The following EVC variants were observed in gnomAD, a reference collection of about 807,000 sequenced individuals.
EVC encodes evC complex member EVC.
A neutral mutation model predicts 118.9 loss-of-function variants in EVC; 116 were observed. That is an observed-to-expected ratio of 0.98 (90% CI 0.84 to 1.14). The LOEUF (loss-of-function observed/expected upper bound fraction) is 1.14. Among genes scored for constraint, EVC ranks in the 50% most tolerant of loss-of-function variants. The pLI, the probability that EVC is intolerant of heterozygous loss-of-function variation, is 0.00. For missense variants in EVC, 1,401 were observed against 1,246.4 expected (o/e 1.12, Z -1.87); for synonymous variants, 619 against 534.7 (o/e 1.16, Z -2.18).
intron 11 of EVC, among the ~76,000 whole-genome samples, chr4:5,783,152 T>C (rs978277594): frequency 6.6e-6 from 1 of 152,114 alleles, no homozygotes; most frequent in African/African-American, 2.4e-5. Flanking sequence ...GTGTGATTCA[T>C]GTGTGTATGT....
At chr4:5,716,258 A>G (rs1723944582) in intron 1 of EVC, among the ~76,000 whole-genome samples, 1 of 152,262 alleles carries the variant, frequency 6.6e-6, no homozygotes, top group South Asian at 2.1e-4. Context: ...TCAGGAAAGC[A>G]GAAGTTACAG....
Position 5,813,291 on chromosome 4 carries a change from T to C in EVC, c.*2254T>C. 6.6e-6 allele frequency: 1 copy of C among 152,116 alleles called. No individual in the cohort carries two copies. 9.4% of individuals were successfully genotyped at this position (152,116 alleles called of 1,614,324 possible). On this transcript the variant is annotated 3_prime_UTR_variant, in exon 21 of 21. Transcript: ENST00000264956. ...ATCTCGGCTCATGGCAATCTCCATC[T>C]CCCGGGTTCAAGCGATTTTCCTGCC...
intron 11 of EVC, among the ~76,000 whole-genome samples, chr4:5,779,438 G>A (rs1187484746): frequency 4.7e-4 from 70 of 149,740 alleles, no homozygotes; most frequent in Non-Finnish European, 1.5e-5. Flanking sequence ...GGGCAGTATG[G>A]CCATTTTCAC....
chr4:5,734,150 G>A (rs1257985871), intron 5 of EVC, among the ~76,000 whole-genome samples: 1 of 152,100 alleles, frequency 6.6e-6, no homozygotes, highest in Non-Finnish European at 1.5e-5. Flanking sequence ...AACCCCGGTG[G>A]GTTTATTCAG....
At position 5,742,172 on chromosome 4, in the gene EVC, T is replaced by G. The variant is rs185895780; in HGVS notation, c.801+358T>G. On this transcript the variant is annotated intron_variant, in intron 6 of 20. Transcript: ENST00000264956. The surrounding 1 kb of genome is among the most constrained non-coding windows in gnomAD (Gnocchi z 5.2). ...TCTATTCTCAGTCTTTTATGGAAAGTTTATTTTGTCTCAGGCGCAGCAAAG... is the reference window on the plus strand; with the variant it reads ...TCTATTCTCAGTCTTTTATGGAAAGGTTATTTTGTCTCAGGCGCAGCAAAG... Among the ~76,000 whole-genome samples, 1 of 152,168 alleles carries G rather than the reference T, an allele frequency of 6.6e-6. No homozygotes were observed. The highest frequency in any genetic ancestry group is 1.9e-4 in the East Asian group (1 of 5,188).
At chr4:5,807,412 C>T (rs376021016) in intron 17 of EVC, among the ~76,000 whole-genome samples, 2 of 152,174 alleles carry the variant, frequency 1.3e-5, no homozygotes, top group South Asian at 4.1e-4. Flanking sequence ...GAGCACTCCA[C>T]ACGCACAGCT....
rs1319550333 is a variant in EVC at position 5,755,068 on chromosome 4, C to T, written c.1464+1135C>T. Among the ~76,000 whole-genome samples the T allele has an allele frequency of 3.9e-5, 6 of 152,112 alleles. No homozygotes were observed. The highest frequency in any genetic ancestry group is 9.6e-5 in the African/African-American group (4 of 41,514). On this transcript the variant is annotated intron_variant, in intron 10 of 20. Coordinates refer to ENST00000264956, the MANE Select transcript of EVC (RefSeq NM_153717.3). The surrounding 1 kb of genome is among the most constrained non-coding windows in gnomAD (Gnocchi z 4.1). Reference sequence around the variant, plus strand: ...GGCCTCTAGGTCCCTGGTCCAGCTGCCTCCCTCACCCAGGGGGCCTCTTCC... The same window carrying T: ...GGCCTCTAGGTCCCTGGTCCAGCTGTCTCCCTCACCCAGGGGGCCTCTTCC...
At chr4:5,723,335 ATG>A (rs1725278264) in intron 2 of EVC, among the ~76,000 whole-genome samples, 1 of 151,856 alleles carries the variant, frequency 6.6e-6, no homozygotes, top group Admixed American at 6.6e-5. Flanking sequence ...GATTACAGGC[ATG>A]CGCCACCACA....
chr4:5,810,645 T>TA (rs1471512944), intron 20 of EVC, among the ~76,000 whole-genome samples, 195 bp downstream of exon 20: 1 of 152,224 alleles, frequency 6.6e-6, no homozygotes, highest in Non-Finnish European at 1.5e-5. Context: ...ACATGGCTGT[T>TA]ACCCTTCCTG....
chr4:5,785,503 G>A (rs1366301460), intron 12 of EVC, among the ~76,000 whole-genome samples: 1 of 152,238 alleles, frequency 6.6e-6, no homozygotes, highest in African/African-American at 2.4e-5. Flanking sequence ...AGAGCGTTAT[G>A]CAAACACATG....
chr4:5,729,210 G>A, intron 2 of EVC, 97 bp from the exon 3 acceptor site: 1 of 1,071,914 alleles, frequency 9.3e-7, no homozygotes, highest in Non-Finnish European at 1.5e-6. Flanking sequence ...TTCTGAGGCT[G>A]CTATTACAAA....
At chr4:5,816,023 A>G (rs1247047856), downstream of EVC, among the ~76,000 whole-genome samples, 3 of 152,042 alleles carry the variant, frequency 2.0e-5, no homozygotes, top group African/African-American at 4.8e-5. Context: ...TTTTCCCCCC[A>G]TGGCTTATAG....
At position 5,738,393 on chromosome 4, in the gene EVC, T is replaced by C. The variant is rs1728006734; in HGVS notation, c.703-3323T>C. Among the ~76,000 whole-genome samples, 2 of 152,222 alleles carry C rather than the reference T, an allele frequency of 1.3e-5. No individual in the cohort carries two copies. Among genetic ancestry groups the C allele is most frequent in the Non-Finnish European group, 1.5e-5 (1 of 68,042 alleles). On this transcript the variant is annotated intron_variant, in intron 5 of 20. Transcript: ENST00000264956. The surrounding 1 kb of genome is among the most constrained non-coding windows in gnomAD (Gnocchi z 6.5). Reference sequence around the variant, plus strand: ...GTTTGAGAGGATTGACTCCAAGTTTTAAAGTTCTACTGTGGGCAAATTGCT... The same window carrying C: ...GTTTGAGAGGATTGACTCCAAGTTTCAAAGTTCTACTGTGGGCAAATTGCT...
intron 6 of EVC, among the ~76,000 whole-genome samples, chr4:5,744,064 A>G (rs1270093461): frequency 6.6e-6 from 1 of 152,230 alleles, no homozygotes; most frequent in Non-Finnish European, 1.5e-5. Context: ...AGTGGCTACT[A>G]TTTGTTGAGA....
At chr4:5,718,866 A>G (rs1724442072) in intron 1 of EVC, among the ~76,000 whole-genome samples, 1 of 152,226 alleles carries the variant, frequency 6.6e-6, no homozygotes, top group African/African-American at 2.4e-5. Context: ...GGAAAATTAT[A>G]TGCATGTGCC....
chr4:5,791,719 G>A (rs923549627), intron 12 of EVC, among the ~76,000 whole-genome samples: 4 of 151,716 alleles, frequency 2.6e-5, no homozygotes, highest in African/African-American at 4.8e-5. Context: ...ACCAACCACC[G>A]AGCATCCACA....
chr4:5,757,994 G>T (rs373039329), intron 11 of EVC: 23 of 683,672 alleles, frequency 3.4e-5, no homozygotes, highest in Non-Finnish European at 5.3e-5. Flanking sequence ...TAAGGGCTTT[G>T]CAGATGTAAT....
At chr4:5,736,743 GACA>G in intron 5 of EVC, among the ~76,000 whole-genome samples, 1 of 152,160 alleles carries the variant, frequency 6.6e-6, no homozygotes, top group Non-Finnish European at 1.5e-5. Context: ...GCCAGTATGA[GACA>G]ACAAACTTAA....
intron 12 of EVC, among the ~76,000 whole-genome samples, chr4:5,791,001 A>G (rs1712673113): frequency 6.6e-6 from 1 of 152,092 alleles, no homozygotes; most frequent in Non-Finnish European, 1.5e-5. Context: ...AGGCTGAGGC[A>G]GGAGAATCGC....
Sources: gnomAD v4.1 joint callset for allele counts (sites outside exome capture counted in the v4.1 genomes callset) on GRCh38, gnomAD v4.1.1 for gene constraint, Gnocchi (gnomAD v3.1) non-coding constraint, MANE v1.5 for transcripts, NCBI Gene and HGNC (gene_info 2026-07-23, HGNC 2026-07-21) for gene names.